Variants in RELN observed in about 807,000 individuals in gnomAD.
RELN encodes reelin.
In RELN, 108 loss-of-function variants were observed where a neutral mutation model predicts 427.6. The observed-to-expected ratio is 0.25, with a 90% confidence interval of 0.22 to 0.30. The LOEUF (loss-of-function observed/expected upper bound fraction) is 0.30. Among genes scored for constraint, RELN ranks in the 10% least tolerant of loss-of-function variants. The pLI, the probability that RELN is intolerant of heterozygous loss-of-function variation, is 1.00. For missense variants in RELN, 3,715 were observed against 4,302.8 expected (o/e 0.86, Z 3.82); for synonymous variants, 1,524 against 1,513.4 (o/e 1.01, Z -0.16).
chr7:103,756,579 A>ATAGTGCCACTTAAAAGT (rs1791161330), intron 4 of RELN, among the ~76,000 whole-genome samples: 2 of 152,302 alleles, frequency 1.3e-5, no homozygotes, highest in African/African-American at 4.8e-5. Context: ...ATATTTTATG[A>ATAGTGCCACTTAAAAGT]TATTTCAGAA....
intron 4 of RELN, among the ~76,000 whole-genome samples, chr7:103,753,760 T>A (rs1213960253): frequency 6.6e-6 from 1 of 152,242 alleles, no homozygotes; most frequent in African/African-American, 2.4e-5. Context: ...ATTTCCAGTA[T>A]CTTCTAAATT....
intron 1 of RELN, among the ~76,000 whole-genome samples, chr7:103,955,225 T>C (rs1796409592): frequency 6.6e-6 from 1 of 152,238 alleles, no homozygotes; most frequent in Non-Finnish European, 1.5e-5. Context: ...AATCTGCTTT[T>C]CTGGACCCCA....
In RELN at chr7:103,611,747, A is replaced by G. The variant is rs748576911; in HGVS notation, c.2759T>C (p.Met920Thr). 1.2e-6 allele frequency: 2 copies of G among 1,613,880 alleles called. No homozygotes were observed. Among genetic ancestry groups the G allele is most frequent in the Admixed American group, 3.3e-5 (2 of 60,010 alleles). The change falls in exon 21 of 65, where the codon ATG (methionine) becomes ACG (threonine). Residue 920 changes from methionine (M) to threonine (T), a missense_variant. Physicochemically the swap from Met to Thr is moderately conservative, Grantham distance 81. Coordinates refer to ENST00000428762, the MANE Select transcript of RELN (RefSeq NM_005045.4). ...SSMRYVETQS[M>T]QIGASYMIQF... Reference sequence around the variant, plus strand: ...AATCATATAGGATGCTCCTATCTGCATTGATTGTGTTTCCACATAGCGCAT... The same window carrying G: ...AATCATATAGGATGCTCCTATCTGCGTTGATTGTGTTTCCACATAGCGCAT...
At chr7:103,474,993 T>G (rs909425058) in intron 64 of RELN, among the ~76,000 whole-genome samples, 50 of 152,314 alleles carry the variant, frequency 3.3e-4, no homozygotes, top group African/African-American at 1.2e-3. Flanking sequence ...CAGAATCCTC[T>G]TATCTATGGA....
rs79747338 is a variant in RELN at position 103,765,350 on chromosome 7, T to A, written c.544+11207A>T. Among the ~76,000 whole-genome samples, 409 of 152,322 alleles carry A rather than the reference T, an allele frequency of 2.7e-3. 1 individual carries two copies. Among genetic ancestry groups the A allele is most frequent in the African/African-American group, 9.2e-3 (383 of 41,558 alleles). On this transcript the variant is annotated intron_variant, in intron 4 of 64. Transcript: ENST00000428762. ...TCTTCTGGGTTTGCATTAGTAAACC[T>A]GTACTATAAGCTTCTTAACAATGGG... is the stretch of plus-strand genomic sequence containing the variant.
chr7:103,603,832 T>A lies in RELN; in HGVS notation c.3147-342A>T, dbSNP rs1282071805. 2.6e-5 allele frequency among the ~76,000 whole-genome samples: 4 copies of A among 152,150 alleles called. No individual in the cohort carries two copies. The highest frequency in any genetic ancestry group is 4.4e-5 in the Non-Finnish European group (3 of 68,024). ...TTCCCTATTGCCTTAAAAAATCACA[T>A]ATAAATGTCTGTCTGCTCAACCAAC... On this transcript the variant is annotated intron_variant, in intron 23 of 64. Transcript: ENST00000428762. The surrounding 1 kb of genome is among the most constrained non-coding windows in gnomAD (Gnocchi z 4.3).
At chr7:103,837,279 T>G (rs1793433775) in intron 2 of RELN, among the ~76,000 whole-genome samples, 1 of 152,208 alleles carries the variant, frequency 6.6e-6, no homozygotes, top group East Asian at 1.9e-4. Context: ...GAAATCTACT[T>G]ACATGGCTCC....
At chr7:103,759,121 A>C (rs1791232955) in intron 4 of RELN, among the ~76,000 whole-genome samples, 1 of 152,146 alleles carries the variant, frequency 6.6e-6, no homozygotes, top group South Asian at 2.1e-4. Flanking sequence ...TAGATTGCTT[A>C]TAGAACTTCT....
chr7:103,666,646 T>A (rs1833274015), intron 11 of RELN, among the ~76,000 whole-genome samples: 1 of 152,290 alleles, frequency 6.6e-6, no homozygotes, highest in South Asian at 2.1e-4. Flanking sequence ...GTAGAAGAAA[T>A]ATTTTTACAA....
chr7:103,609,986 A>G (rs1002766708), intron 22 of RELN, among the ~76,000 whole-genome samples: 1 of 152,142 alleles, frequency 6.6e-6, no homozygotes, highest in African/African-American at 2.4e-5. Context: ...TCACGTGATT[A>G]ATTAATCATT....
chr7:103,472,985 C>T lies in RELN; in HGVS notation c.10287-77G>A, dbSNP rs146221588. 1.7e-3 allele frequency: 1,964 copies of T among 1,142,330 alleles called. 19 individuals are homozygous for T. The African/African-American group carries it at 0.022, about 13-fold the overall frequency. The allele number at this position is 1,142,330 out of a possible 1,614,324, so 70.8% of individuals were successfully genotyped here. On this transcript the variant is annotated intron_variant, in intron 64 of 64. Transcript: ENST00000428762. ...TAAGTCCCATCATTGAACGTGCAAT[C>T]TATTCTAGGTCCTAAGTTACTCTGA...
intron 2 of RELN, 103 bp downstream of exon 2, chr7:103,916,971 TG>T: frequency 4.5e-6 from 4 of 885,796 alleles, no homozygotes; most frequent in Non-Finnish European, 7.6e-6. Flanking sequence ...ATTATTTTCT[TG>T]GAAGTAATAA....
chr7:103,905,831 G>A (rs902609588), intron 2 of RELN, among the ~76,000 whole-genome samples: 2 of 152,170 alleles, frequency 1.3e-5, no homozygotes, highest in African/African-American at 4.8e-5. Flanking sequence ...AGACGGAGAA[G>A]CACAGAGGAG....
At position 103,565,297 on chromosome 7, in the gene RELN, A is replaced by G. The variant is rs1465026212; in HGVS notation, c.5191T>C (p.Tyr1731His). The stretch of plus-strand genomic sequence containing the variant: ...TCTCACATGGTGGAGAGTGGAAGGT[A>G]GACAGTGATCCGCTTCCAATTCTGG... Reference protein sequence around the residue: ...RFQNWKRITVYLPLSTISPRT... With the variant: ...RFQNWKRITVHLPLSTISPRT... The change falls in exon 34 of 65, where the codon TAC becomes CAC. Residue 1731 changes from tyrosine to histidine, a missense_variant. By Grantham distance (83) the Tyr-to-His change is moderately conservative. Transcript: ENST00000428762. 6.2e-7 allele frequency: 1 copy of G among 1,614,194 alleles called. No individual in the cohort carries two copies. The highest frequency in any genetic ancestry group is 2.2e-5 in the East Asian group (1 of 44,886).
chr7:103,547,339 C>G (rs1320227158), intron 41 of RELN, among the ~76,000 whole-genome samples: 2 of 152,190 alleles, frequency 1.3e-5, no homozygotes, highest in Admixed American at 6.5e-5. Flanking sequence ...TCTTGTCGCC[C>G]AGGCTTGAGT....
intron 64 of RELN, among the ~76,000 whole-genome samples, chr7:103,475,662 C>T (rs1380462257): frequency 1.3e-5 from 2 of 152,128 alleles, no homozygotes; most frequent in Admixed American, 1.3e-4. Flanking sequence ...AACAAAAGAA[C>T]ATTCAGTTTT....
intron 58 of RELN, 109 bp downstream of exon 58, chr7:103,491,844 T>TCACACA: frequency 6.4e-6 from 4 of 628,138 alleles, no homozygotes; most frequent in East Asian, 3.6e-5. Context: ...TCTCTCTCTC[T>TCACACA]CTCTCTCTCT....
chr7:103,853,911 T>C (rs1239975069), intron 2 of RELN, among the ~76,000 whole-genome samples: 2 of 151,850 alleles, frequency 1.3e-5, no homozygotes, highest in African/African-American at 4.8e-5. Flanking sequence ...TGTAGCACAG[T>C]TGGGTGAGTA....
intron 2 of RELN, among the ~76,000 whole-genome samples, chr7:103,863,346 T>C (rs1053890747): frequency 6.6e-6 from 1 of 152,186 alleles, no homozygotes; most frequent in African/African-American, 2.4e-5. Context: ...TGGAAGCATC[T>C]GACCTAATCT....
Sources: gnomAD v4.1 joint callset for allele counts (sites outside exome capture counted in the v4.1 genomes callset) on GRCh38, gnomAD v4.1.1 for gene constraint, Gnocchi (gnomAD v3.1) non-coding constraint, MANE v1.5 for transcripts, NCBI Gene and HGNC (gene_info 2026-07-23, HGNC 2026-07-21) for gene names.